The following ENKUR variants were observed in gnomAD, a reference collection of about 807,000 sequenced individuals.
ENKUR encodes the protein enkurin, TRPC channel interacting protein.
In ENKUR, 19 loss-of-function variants were observed where a neutral mutation model predicts 27.6. That is an observed-to-expected ratio of 0.69 (90% CI 0.48 to 1.01). The LOEUF (loss-of-function observed/expected upper bound fraction) is 1.01. ENKUR is among the 50% of genes least tolerant of loss of function. ENKUR has a pLI of 0.00. For missense variants in ENKUR, 312 were observed against 310.5 expected (o/e 1.00, Z -0.04); for synonymous variants, 117 against 96.9 (o/e 1.21, Z -1.22).
At chr10:25,012,957 T>C (rs1392749695) in intron 1 of ENKUR, among the ~76,000 whole-genome samples, 3 of 152,156 alleles carry the variant, frequency 2.0e-5, no homozygotes, top group Non-Finnish European at 2.9e-5. Context: ...CCATATGTCA[T>C]GGGAGGGATC....
At chr10:24,995,398 TTAA>T (rs1480492714) in intron 3 of ENKUR, among the ~76,000 whole-genome samples, 3 of 152,224 alleles carry the variant, frequency 2.0e-5, no homozygotes, top group Non-Finnish European at 4.4e-5. Flanking sequence ...GTTAAATATG[TTAA>T]TAATCAAAAT....
rs947779401 is a variant in ENKUR at position 24,991,531 on chromosome 10, A to G, written c.448-922T>C. Among the ~76,000 whole-genome samples, 7 of 152,240 alleles carry G rather than the reference A, an allele frequency of 4.6e-5. 1 individual carries two copies. The South Asian group carries it at 1.5e-3, about 32-fold the overall frequency. ...ACAAAAGAGCACACCAATGGGCACCAGCATGCCGGCAGGCCATCGATCAGT... is the reference window on the plus strand; with the variant it reads ...ACAAAAGAGCACACCAATGGGCACCGGCATGCCGGCAGGCCATCGATCAGT... On this transcript the variant is annotated intron_variant, in intron 3 of 5. Transcript: ENST00000331161.
At chr10:25,058,239 A>C (rs1423766748) in intron 2 of ENKUR, among the ~76,000 whole-genome samples, 1 of 151,694 alleles carries the variant, frequency 6.6e-6, no homozygotes, top group African/African-American at 2.4e-5. Flanking sequence ...ACAGAGTCTC[A>C]CTCTGTCACC....
intron 1 of ENKUR, among the ~76,000 whole-genome samples, chr10:25,008,111 T>C (rs1850357878): frequency 6.6e-6 from 1 of 151,650 alleles, no homozygotes; most frequent in South Asian, 2.1e-4. Context: ...CCTAGCCAGA[T>C]GAAAAATACA....
chr10:25,054,587 CCTTT>C (rs896199500), intron 2 of ENKUR, among the ~76,000 whole-genome samples: 8 of 138,142 alleles, frequency 5.8e-5, no homozygotes, highest in African/African-American at 1.9e-4. Context: ...TTTCTTTCTT[CCTTT>C]CTTTCTTCTT....
chr10:24,989,950 T>C (rs1198599371), intron 4 of ENKUR, among the ~76,000 whole-genome samples: 1 of 152,150 alleles, frequency 6.6e-6, no homozygotes, highest in Non-Finnish European at 1.5e-5. Context: ...TAAATATATC[T>C]TTAAGTCTAT....
intron 2 of ENKUR, among the ~76,000 whole-genome samples, chr10:25,032,824 AGTG>A (rs980233196): frequency 2.6e-5 from 4 of 152,068 alleles, no homozygotes; most frequent in African/African-American, 9.7e-5. Context: ...CTGCCATTTT[AGTG>A]GTGCCAAAAC....
intron 2 of ENKUR, among the ~76,000 whole-genome samples, chr10:25,032,316 G>GC (rs982628993): frequency 2.0e-5 from 3 of 148,162 alleles, no homozygotes; most frequent in Non-Finnish European, 4.5e-5. Flanking sequence ...AGTAAAGAAG[G>GC]GGGGGGGGCT....
intron 2 of ENKUR, among the ~76,000 whole-genome samples, chr10:25,056,646 T>C (rs568761969): frequency 6.6e-6 from 1 of 152,314 alleles, no homozygotes; most frequent in Admixed American, 6.5e-5. Context: ...CAGTCAATTT[T>C]TGGAAGGGCT....
At chr10:25,044,655 C>T (rs1321104432) in intron 2 of ENKUR, among the ~76,000 whole-genome samples, 2 of 152,200 alleles carry the variant, frequency 1.3e-5, no homozygotes, top group African/African-American at 2.4e-5. Flanking sequence ...CCTTGGCCTC[C>T]CAAAGTGCTG....
chr10:25,055,165 A>G (rs1399688023), intron 2 of ENKUR, among the ~76,000 whole-genome samples: 1 of 152,162 alleles, frequency 6.6e-6, no homozygotes, highest in Non-Finnish European at 1.5e-5. Context: ...AAAATCACCA[A>G]GAATCAGGGA....
chr10:24,996,413 C>T (rs1315167785), intron 2 of ENKUR, among the ~76,000 whole-genome samples: 2 of 150,776 alleles, frequency 1.3e-5, no homozygotes, highest in South Asian at 4.2e-4. Context: ...CGGAGTGAGA[C>T]TCTGTCTCAA....
At chr10:25,037,684 T>C (rs954444682) in intron 2 of ENKUR, among the ~76,000 whole-genome samples, 1 of 152,156 alleles carries the variant, frequency 6.6e-6, no homozygotes, top group Admixed American at 6.5e-5. Context: ...CTTTTGTCTT[T>C]CCTTATCATT....
At chr10:25,029,597 A>G (rs1462906718) in intron 2 of ENKUR, among the ~76,000 whole-genome samples, 1 of 152,206 alleles carries the variant, frequency 6.6e-6, no homozygotes, top group East Asian at 1.9e-4. Flanking sequence ...ATGGAAACAT[A>G]ATACTGTTTT....
chr10:25,054,518 CTTTCTTTCTTTCCTTT>C (rs1564358735), intron 2 of ENKUR, among the ~76,000 whole-genome samples: 11 of 107,154 alleles, frequency 1.0e-4, no homozygotes, highest in African/African-American at 3.4e-4. Flanking sequence ...TCTTTCCTTT[CTTTCTTTCTTTCCTTT>C]CTTTCTTTCT....
At position 25,056,243 on chromosome 10, in the gene ENKUR, T is replaced by C. The variant is rs140581849; in HGVS notation, c.37+4869A>G. On this transcript the variant is annotated intron_variant, in intron 2 of 5. Transcript: ENST00000615958. ...GAGCAGTGCCTTTGTGAAGCACTTA[T>C]GTCACTCATATGCCATGAACTATAG... Among the ~76,000 whole-genome samples the C allele has an allele frequency of 3.0e-3, 463 of 152,338 alleles. 2 individuals are homozygous for C. The highest frequency in any genetic ancestry group is 4.5e-3 in the Non-Finnish European group (306 of 68,038).
At chr10:25,004,870 C>G (rs1478443926) in intron 1 of ENKUR, among the ~76,000 whole-genome samples, 2 of 152,194 alleles carry the variant, frequency 1.3e-5, no homozygotes, top group East Asian at 3.8e-4. Context: ...CCTAGGTTGT[C>G]TTCCAGGATT....
chr10:25,041,038 G>A (rs905933586), intron 2 of ENKUR, among the ~76,000 whole-genome samples: 1 of 152,070 alleles, frequency 6.6e-6, no homozygotes, highest in African/African-American at 2.4e-5. Context: ...TCCAAAAAAT[G>A]TTTATTATTT....
chr10:25,029,573 CTG>C (rs1850911068), intron 2 of ENKUR, among the ~76,000 whole-genome samples: 1 of 152,016 alleles, frequency 6.6e-6, no homozygotes, highest in African/African-American at 2.4e-5. Context: ...CATGAAGTAA[CTG>C]TTTTCAAATC....
Sources: allele counts gnomAD v4.1 joint callset (sites outside exome capture counted in the v4.1 genomes callset), GRCh38; gene constraint gnomAD v4.1.1; transcripts MANE v1.5; gene names NCBI Gene and HGNC (gene_info 2026-07-23, HGNC 2026-07-21).